TBX18: variants seen among roughly 807,000 people sequenced by gnomAD.
TBX18 encodes the protein T-box transcription factor TBX18.
In TBX18, 21 loss-of-function variants were observed where a neutral mutation model predicts 55.0. The observed-to-expected ratio is 0.38, with a 90% CI of 0.27 to 0.55. TBX18 has a LOEUF of 0.55. TBX18 is among the 20% of genes least tolerant of loss of function. The probability of loss-of-function intolerance (pLI) is 0.73; values close to 1 mark genes in which losing one functional copy is unlikely to be tolerated. For missense variants in TBX18, 840 were observed against 799.6 expected, an observed-to-expected ratio of 1.05 and a Z score of -0.61; for synonymous variants, 342 against 326.1, an observed-to-expected ratio of 1.05 and a Z score of -0.53.
intron 3 of TBX18, among the ~76,000 whole-genome samples, chr6:84,759,480 T>C (rs1417734961): frequency 6.6e-6 from 1 of 152,070 alleles, no homozygotes; most frequent in East Asian, 1.9e-4. Flanking sequence ...CTTATTTAAA[T>C]GTTAATGTTT....
In TBX18 at chr6:84,732,731, C is replaced by CAGTT. The variant is rs1251793568; in HGVS notation, c.*3950_*3953dup. 6.6e-6 allele frequency: 1 copy of CAGTT among 151,950 alleles called. No individual in the cohort carries two copies. The highest frequency in any genetic ancestry group is 1.5e-5 in the Non-Finnish European group (1 of 67,958). The allele number at this position is 151,950 out of a possible 1,614,324, so 9.4% of individuals were successfully genotyped here. A position where few individuals can be genotyped will look rare whatever the true frequency, so the allele number is the denominator to read the frequency against. On this transcript the variant is annotated 3_prime_UTR_variant, in exon 8 of 8. Coordinates refer to ENST00000369663, the MANE Select transcript of TBX18 (RefSeq NM_001080508.3). The stretch of plus-strand genomic sequence containing the variant: ...AAATTTATCCTGTAAAACTAAAGCA[C>CAGTT]AGTTCCATTTAAAGGATAAATTTCA...
At chr6:84,755,549 G>C (rs895788580) in intron 4 of TBX18, among the ~76,000 whole-genome samples, 1 of 152,122 alleles carries the variant, frequency 6.6e-6, no homozygotes, top group Non-Finnish European at 1.5e-5. Flanking sequence ...TAAAAATAAG[G>C]AATAAAAATA....
At chr6:84,741,897 C>T (rs182319458) in intron 6 of TBX18, 75 of 152,222 alleles carry the variant, frequency 4.9e-4, no homozygotes, top group Admixed American at 2.5e-3. Context: ...TAGAAATGCT[C>T]ACTTATGTAA....
In TBX18 at chr6:84,748,055, C is replaced by T. The variant is rs755758645; in HGVS notation, c.804G>A (p.Pro268=). The T allele has an allele frequency of 6.2e-6, 10 of 1,612,056 alleles. No individual in the cohort carries two copies. Among genetic ancestry groups the T allele is most frequent in the Admixed American group, 3.3e-5 (2 of 59,912 alleles). ...AGTCTTTACGGATGACGTGCACTCGCGGTTGGTATTTGTGCATAGAATGAA... is the reference window on the plus strand; with the variant it reads ...AGTCTTTACGGATGACGTGCACTCGTGGTTGGTATTTGTGCATAGAATGAA... ...IILHSMHKYQ[P]RVHVIRKDCG... Residue 268 remains proline, a synonymous_variant, in exon 5 of 8, where the codon CCG becomes CCA. Coordinates refer to ENST00000369663, the MANE Select transcript of TBX18 (RefSeq NM_001080508.3).
intron 7 of TBX18, among the ~76,000 whole-genome samples, chr6:84,738,007 T>C (rs1191633268): frequency 2.0e-5 from 3 of 152,186 alleles, no homozygotes; most frequent in African/African-American, 4.8e-5. Flanking sequence ...TTCCATGCAG[T>C]TCCCTCTGAG....
In TBX18 at chr6:84,736,626, AAAAAAG is replaced by A; in HGVS notation, c.*53_*58del. The A allele has an allele frequency of 4.8e-6, 7 of 1,463,422 alleles. No individual in the cohort carries two copies. Among genetic ancestry groups the A allele is most frequent in the Non-Finnish European group, 6.3e-6 (7 of 1,106,498 alleles). The allele number at this position is 1,463,422 out of a possible 1,614,324, so 90.7% of individuals were successfully genotyped here. The stretch of plus-strand genomic sequence containing the variant: ...GAGAGTTTCTTTCCACATAGCTTTT[AAAAAAG>A]AAAAAGAAAATATGTTAGACAGATC... On this transcript the variant is annotated 3_prime_UTR_variant, in exon 8 of 8. Coordinates refer to ENST00000369663, the MANE Select transcript of TBX18 (RefSeq NM_001080508.3).
At chr6:84,753,350 A>T (rs766922399) in intron 4 of TBX18, among the ~76,000 whole-genome samples, 7 of 152,192 alleles carry the variant, frequency 4.6e-5, no homozygotes, top group African/African-American at 7.2e-5. Flanking sequence ...GTGTTAAATT[A>T]ATAAAGTCCC....
At chr6:84,748,732 T>C (rs1259094691) in intron 4 of TBX18, among the ~76,000 whole-genome samples, 2 of 152,162 alleles carry the variant, frequency 1.3e-5, no homozygotes, top group East Asian at 1.9e-4. Context: ...AATCTGATAA[T>C]ATGGTTCAAC....
Position 84,763,911 on chromosome 6 carries a change from C to A in TBX18, c.271G>T (p.Asp91Tyr), listed in dbSNP as rs757253416. 1.3e-6 allele frequency: 2 copies of A among 1,551,606 alleles called. No individual in the cohort carries two copies. The highest frequency in any genetic ancestry group is 4.8e-5 in the East Asian group (2 of 41,314). The change falls in exon 1 of 8, where the codon GAC becomes TAC. Residue 91 changes from aspartate (D) to tyrosine (Y), a missense_variant. Transcript: ENST00000369663. ...ATSGPARSGADLERGAAGGCE... is the reference protein window; with the variant it reads ...ATSGPARSGAYLERGAAGGCE... ...TCACCCGCGGCTCCGCGCTCCAGGT[C>A]TGCGCCACTCCGAGCCGGCCCAGAC...
At position 84,756,784 on chromosome 6, in the gene TBX18, G is replaced by A. The variant is rs756685468; in HGVS notation, c.685C>T (p.Pro229Ser). The A allele has an allele frequency of 6.2e-6, 10 of 1,614,092 alleles. No individual in the cohort carries two copies. In the Admixed American group the frequency reaches 8.3e-5, roughly 13 times the overall value. The change falls in exon 4 of 8, where the codon CCT becomes TCT. Residue 229 changes from proline (P) to serine (S), a missense_variant. Pro to Ser is a moderately conservative substitution (Grantham distance 74). Transcript: ENST00000369663. ...PPRVYIHPDSPASGETWMRQV... is the reference protein window; with the variant it reads ...PPRVYIHPDSSASGETWMRQV... Reference sequence around the variant, plus strand: ...CTCATCCAAGTCTCCCCCGAGGCAGGCGAGTCTGGATGAATGTACACACGG... The same window carrying A: ...CTCATCCAAGTCTCCCCCGAGGCAGACGAGTCTGGATGAATGTACACACGG...
intron 5 of TBX18, among the ~76,000 whole-genome samples, chr6:84,745,495 C>T (rs1767158339): frequency 6.6e-6 from 1 of 152,042 alleles, no homozygotes; most frequent in Non-Finnish European, 1.5e-5. Flanking sequence ...CTTGTGCACG[C>T]CCTCCAGTCA....
intron 2 of TBX18, among the ~76,000 whole-genome samples, chr6:84,761,653 G>C (rs1489707758): frequency 6.6e-6 from 1 of 152,090 alleles, no homozygotes; most frequent in African/African-American, 2.4e-5. Flanking sequence ...TTCCGTTTAA[G>C]GAAGCTTATT....
chr6:84,763,210 T>C, intron 1 of TBX18: 1 of 364,872 alleles, frequency 2.7e-6, no homozygotes, highest in Non-Finnish European at 5.3e-6. Context: ...CTGGGCCTCC[T>C]TAAGCCATAA....
rs1406681848 is a variant in TBX18, at chr6:84,736,784, C to T, written c.1725G>A (p.Val575=). 1.9e-6 allele frequency: 3 copies of T among 1,613,964 alleles called. No individual in the cohort carries two copies. Among genetic ancestry groups the T allele is most frequent in the South Asian group, 1.1e-5 (1 of 91,056 alleles). ...DRQMLPPVEG[V]HLLSSGGQQS... ...GCTGACCCCCACTGCTAAGCAGGTG[C>T]ACTCCTTCCACAGGGGGCAACATCT... Residue 575 remains valine, a synonymous_variant, in exon 8 of 8, where the codon GTG becomes GTA. Coordinates refer to ENST00000369663, the MANE Select transcript of TBX18 (RefSeq NM_001080508.3).
chr6:84,734,346 G>A lies in TBX18; in HGVS notation c.*2339C>T, dbSNP rs1318424445. The A allele has an allele frequency of 1.3e-5, 2 of 152,116 alleles. No individual in the cohort carries two copies. The highest frequency in any genetic ancestry group is 1.9e-4 in the East Asian group (1 of 5,200). The allele number at this position is 152,116 out of a possible 1,614,324, so 9.4% of individuals were successfully genotyped here. A position where few individuals can be genotyped will look rare whatever the true frequency, so the allele number is the denominator to read the frequency against. ...CCATTTCTTTCTGCCATGTATTTGAGAGGTACAGAATTTGCGTTTGGGGTG... is the reference window on the plus strand; with the variant it reads ...CCATTTCTTTCTGCCATGTATTTGAAAGGTACAGAATTTGCGTTTGGGGTG... On this transcript the variant is annotated 3_prime_UTR_variant, in exon 8 of 8. Transcript: ENST00000369663.
In TBX18 at chr6:84,762,561, G is replaced by C; in HGVS notation, c.480C>G (p.Ile160Met). 6.2e-7 allele frequency: 1 copy of C among 1,614,056 alleles called. No homozygotes were observed. The part of the protein sequence containing the change: ...KRFHEIGTEM[I>M]ITKAGRRMFP... Reference sequence around the variant, plus strand: ...CCCATTACCTGCCGGCCTTGGTGATGATCATCTCAGTGCCTATCTCATGAA... The same window carrying C: ...CCCATTACCTGCCGGCCTTGGTGATCATCATCTCAGTGCCTATCTCATGAA... Residue 160 changes from isoleucine (I) to methionine (M), a missense_variant, in exon 2 of 8, where the codon ATC becomes ATG. Physicochemically the swap from Ile to Met is conservative, Grantham distance 10. Transcript: ENST00000369663.
chr6:84,746,434 T>C (rs9450015), intron 5 of TBX18, among the ~76,000 whole-genome samples: 4,161 of 147,230 alleles, frequency 0.028, 196 homozygotes, highest in African/African-American at 0.096. Flanking sequence ...ATTATAATTA[T>C]ATATTATATA....
Position 84,736,722 on chromosome 6 carries a change from G to C in TBX18, c.1787C>G (p.Thr596Ser), listed in dbSNP as rs762340905. The C allele has an allele frequency of 2.0e-5, 32 of 1,594,198 alleles. No individual in the cohort carries two copies. Among genetic ancestry groups the C allele is most frequent in the Non-Finnish European group, 2.6e-5 (30 of 1,173,018 alleles). Residue 596 changes from threonine (T) to serine (S), a missense_variant, in exon 8 of 8, where the codon ACT becomes AGT. Thr to Ser is a moderately conservative substitution (Grantham distance 58, BLOSUM62 1). Transcript: ENST00000369663. ...TGCAGATACTTGAGATGATGACAGA[G>C]TTAAGCTTCCTAGGGTCCTAGAGTC... is the stretch of plus-strand genomic sequence containing the variant. Reference protein sequence around the residue: ...FFDSRTLGSLTLSSSQVSAHM... With the variant: ...FFDSRTLGSLSLSSSQVSAHM...
rs534359447 is a variant in TBX18 at position 84,764,346 on chromosome 6, C to T, written c.-165G>A. 9 of 1,041,150 alleles carry T rather than the reference C, an allele frequency of 8.6e-6. No individual in the cohort carries two copies. Among genetic ancestry groups the T allele is most frequent in the Non-Finnish European group, 1.0e-5 (8 of 776,034 alleles). 64.5% of individuals were successfully genotyped at this position (1,041,150 alleles called of 1,614,324 possible). A position where few individuals can be genotyped will look rare whatever the true frequency, so the allele number is the denominator to read the frequency against. On this transcript the variant is annotated 5_prime_UTR_variant, in exon 1 of 8. Transcript: ENST00000369663. Reference sequence around the variant, plus strand: ...AACAGATTTGGCGTTTCCGCTTTCTCGCTTGTGTTGGGATCCAGGAACCGG... The same window carrying T: ...AACAGATTTGGCGTTTCCGCTTTCTTGCTTGTGTTGGGATCCAGGAACCGG...
Sources: gnomAD v4.1 joint callset for allele counts (sites outside exome capture counted in the v4.1 genomes callset) on GRCh38, gnomAD v4.1.1 for gene constraint, MANE v1.5 for transcripts, NCBI Gene and HGNC (gene_info 2026-07-23, HGNC 2026-07-21) for gene names.